Variants in SHANK1 observed in about 807,000 individuals in gnomAD.
SHANK1 encodes the protein SH3 and multiple ankyrin repeat domains 1, also known as SH3 and multiple ankyrin repeat domains protein 1.
In SHANK1, 35 loss-of-function variants were observed where a neutral mutation model predicts 165.6. The ratio of observed to expected loss-of-function variants is 0.21; its 90% CI spans 0.16 to 0.28. The LOEUF is 0.28. Ranked by LOEUF, SHANK1 falls within the 10% of genes least tolerant of loss-of-function variation. The pLI is 1.00. For missense variants in SHANK1, 2,681 were observed against 3,036.4 expected (o/e 0.88, Z 2.75); for synonymous variants, 1,428 against 1,384.8 (o/e 1.03, Z -0.69).
In SHANK1 at chr19:50,690,299, G is replaced by A. The variant is rs931331417; in HGVS notation, c.1965-1020C>T. On this transcript the variant is annotated intron_variant, in intron 15 of 23. Coordinates refer to ENST00000293441, the MANE Select transcript of SHANK1 (RefSeq NM_016148.5). This position sits in a 1 kb window ranked among gnomAD's most constrained non-coding sequence, Gnocchi z 4.9. ...ACCCAGGAAATGTCAATGAAACTCA[G>A]ATACAGTTCATGGATCTCAAGGCTC... is the stretch of plus-strand genomic sequence containing the variant. Among the ~76,000 whole-genome samples, 7 of 152,098 alleles carry A rather than the reference G, an allele frequency of 4.6e-5. No homozygotes were observed. Among genetic ancestry groups the A allele is most frequent in the Non-Finnish European group, 7.4e-5 (5 of 68,006 alleles).
At position 50,661,875 on chromosome 19, in the gene SHANK1, C is replaced by G; in HGVS notation, c.*90G>C. On this transcript the variant is annotated 3_prime_UTR_variant, in exon 24 of 24. Transcript: ENST00000293441. ...CGCAGTTTGAACAGAGTCCCTGGCC[C>G]GGGGAGAGAATGACAGTCAGGGGTC... The G allele has an allele frequency of 1.4e-6, 2 of 1,442,350 alleles. No homozygotes were observed. Among genetic ancestry groups the G allele is most frequent in the Non-Finnish European group, 1.9e-6 (2 of 1,039,664 alleles). 89.3% of individuals were successfully genotyped at this position (1,442,350 alleles called of 1,614,324 possible).
At chr19:50,692,509 G>A (rs1357541877) in intron 15 of SHANK1, among the ~76,000 whole-genome samples, 1 of 141,970 alleles carries the variant, frequency 7.0e-6, no homozygotes, top group Admixed American at 6.9e-5. Flanking sequence ...GGCAGGGAGG[G>A]GGGTCCAACC....
intron 15 of SHANK1, among the ~76,000 whole-genome samples, chr19:50,694,491 G>C (rs975319141): frequency 4.0e-5 from 6 of 148,668 alleles, no homozygotes; most frequent in South Asian, 2.2e-4. Flanking sequence ...GGAGGGCTCC[G>C]GGGAATGGGG....
At position 50,662,783 on chromosome 19, in the gene SHANK1, G is replaced by C; in HGVS notation, c.5769-101C>G. 31 of 1,241,124 alleles carry C rather than the reference G, an allele frequency of 2.5e-5. No homozygotes were observed. Among genetic ancestry groups the C allele is most frequent in the Non-Finnish European group, 3.2e-5 (28 of 881,670 alleles). The allele number at this position is 1,241,124 out of a possible 1,614,324, so 76.9% of individuals were successfully genotyped here. A position where few individuals can be genotyped will look rare whatever the true frequency, so the allele number is the denominator to read the frequency against. ...GTCAAGATATAGGGAGAGAGGAGGA[G>C]AGACATAAGGGTAGGGGGAGAGACG... is the stretch of plus-strand genomic sequence containing the variant. On this transcript the variant is annotated intron_variant, in intron 23 of 23. Transcript: ENST00000293441. This position sits in a 1 kb window ranked among gnomAD's most constrained non-coding sequence, Gnocchi z 7.7.
At position 50,667,607 on chromosome 19, in the gene SHANK1, G is replaced by A; in HGVS notation, c.4353C>T (p.Thr1451=). ...GCAGGAGGGGCCCCACCCCGGGAGC[G>A]GTGGGCGGCAGGCGGTGTAGCAGGG... ...RRSLLHRLPP[T]APGVGPLLLQ... Residue 1451 remains threonine, a synonymous_variant, in exon 23 of 24, where the codon ACC becomes ACT. Transcript: ENST00000293441. The surrounding 1 kb of genome is among the most constrained non-coding windows in gnomAD (Gnocchi z 5.7). The A allele has an allele frequency of 7.0e-7, 1 of 1,438,546 alleles. No individual in the cohort carries two copies. Among genetic ancestry groups the A allele is most frequent in the Non-Finnish European group, 9.0e-7 (1 of 1,107,808 alleles). 89.1% of individuals were successfully genotyped at this position (1,438,546 alleles called of 1,614,324 possible).
chr19:50,687,108 G>A, intron 19 of SHANK1: 1 of 1,144,320 alleles, frequency 8.7e-7, no homozygotes, highest in Non-Finnish European at 1.2e-6. Flanking sequence ...GGGGCCCCCT[G>A]TCTGGAAGCC....
chr19:50,662,519 TGGA>T lies in SHANK1; in HGVS notation c.5929_5931del (p.Ser1977del), dbSNP rs769737781. The T allele has an allele frequency of 5.1e-6, 8 of 1,557,204 alleles. No individual in the cohort carries two copies. Among genetic ancestry groups the T allele is most frequent in the Admixed American group, 3.9e-5 (2 of 51,418 alleles). On this transcript the variant is annotated inframe_deletion, in exon 24 of 24. Coordinates refer to ENST00000293441, the MANE Select transcript of SHANK1 (RefSeq NM_016148.5). This position sits in a 1 kb window ranked among gnomAD's most constrained non-coding sequence, Gnocchi z 7.7. ...ACGCCCTGGAGGTGGCGGGTGGACG[TGGA>T]GGAGGAGGAGGCTGAGGGTGAGGTG... is the stretch of plus-strand genomic sequence containing the variant.
rs375129698 is a variant in SHANK1, at chr19:50,686,201, C to T, written c.2577+36G>A. The stretch of plus-strand genomic sequence containing the variant: ...TCCAGGTTGGTGTGTGAACCGCCTC[C>T]CCCCTGGCAGTTCCTCCCCACACCA... On this transcript the variant is annotated intron_variant, in intron 21 of 23. Transcript: ENST00000293441. This position sits in a 1 kb window ranked among gnomAD's most constrained non-coding sequence, Gnocchi z 5.7. 10 of 1,286,480 alleles carry T rather than the reference C, an allele frequency of 7.8e-6. No individual in the cohort carries two copies. The highest frequency in any genetic ancestry group is 1.4e-5 in the South Asian group (1 of 73,700). 79.7% of individuals were successfully genotyped at this position (1,286,480 alleles called of 1,614,324 possible).
At position 50,668,374 on chromosome 19, in the gene SHANK1, A is replaced by AGCC. The variant is rs752183166; in HGVS notation, c.3583_3585dup (p.Gly1195dup). On this transcript the variant is annotated inframe_insertion, in exon 23 of 24. Transcript: ENST00000293441. ...ATGGCCGGGGCGGGGCTGGGCGAGG[A>AGCC]GCCGCCGCCGCCGCCGCCTCCCGTG... is the stretch of plus-strand genomic sequence containing the variant. 7.9e-6 allele frequency: 10 copies of AGCC among 1,269,040 alleles called. No homozygotes were observed. The highest frequency in any genetic ancestry group is 3.1e-5 in the East Asian group (1 of 32,100). The allele number at this position is 1,269,040 out of a possible 1,614,324, so 78.6% of individuals were successfully genotyped here.
chr19:50,694,019 C>CCACACACACACACA (rs398034977), intron 15 of SHANK1, among the ~76,000 whole-genome samples: 3 of 138,686 alleles, frequency 2.2e-5, no homozygotes, highest in East Asian at 4.5e-4. Context: ...CCAGCACACA[C>CCACACACACACACA]CACACACACA....
Position 50,679,290 on chromosome 19 carries a change from G to A in SHANK1, c.2577+6947C>T, listed in dbSNP as rs1986095687. Among the ~76,000 whole-genome samples the A allele has an allele frequency of 2.0e-5, 3 of 151,378 alleles. No homozygotes were observed. The South Asian group carries it at 6.2e-4, about 32-fold the overall frequency. On this transcript the variant is annotated intron_variant, in intron 21 of 23. Coordinates refer to ENST00000293441, the MANE Select transcript of SHANK1 (RefSeq NM_016148.5). Reference sequence around the variant, plus strand: ...TAGAGTGAGGGGGAGGGGTGTCCCCGACAGAGGAGGGTGCAGAGTGACAGA... The same window carrying A: ...TAGAGTGAGGGGGAGGGGTGTCCCCAACAGAGGAGGGTGCAGAGTGACAGA...
At chr19:50,694,892 C>T (rs1441747370) in intron 15 of SHANK1, among the ~76,000 whole-genome samples, 1 of 150,436 alleles carries the variant, frequency 6.6e-6, no homozygotes, top group Non-Finnish European at 1.5e-5. Flanking sequence ...GGAGGCGGCG[C>T]GCTCCGTTAC....
rs1217598484 is a variant in SHANK1 at position 50,686,282 on chromosome 19, G to A, written c.2532C>T (p.Leu844=). The A allele has an allele frequency of 5.0e-6, 8 of 1,606,744 alleles. No homozygotes were observed. Among genetic ancestry groups the A allele is most frequent in the Non-Finnish European group, 6.8e-6 (8 of 1,176,258 alleles). The change falls in exon 21 of 24, where the codon CTC becomes CTT. Residue 844 remains leucine, a synonymous_variant. Transcript: ENST00000293441. The surrounding 1 kb of genome is among the most constrained non-coding windows in gnomAD (Gnocchi z 5.7). The part of the protein sequence containing the change: ...SASESPGPGG[L]ASLGKHRPKG... ...TGGGTCGGTGTTTGCCCAGGGACGC[G>A]AGGCCACCGGGACCAGGGCTTTCGC...
In SHANK1 at chr19:50,688,190, G is replaced by T; in HGVS notation, c.2173-132C>A. ...CTCTGGGCTATGTTCCTCTCCCTCC[G>T]ACCCTTCATACCACCGCCTCCCTGG... On this transcript the variant is annotated intron_variant, in intron 17 of 23. Transcript: ENST00000293441. This position sits in a 1 kb window ranked among gnomAD's most constrained non-coding sequence, Gnocchi z 6.7. 1 of 1,126,646 alleles carries T rather than the reference G, an allele frequency of 8.9e-7. No individual in the cohort carries two copies. Among genetic ancestry groups the T allele is most frequent in the African/African-American group, 1.5e-5 (1 of 64,932 alleles). 69.8% of individuals were successfully genotyped at this position (1,126,646 alleles called of 1,614,324 possible).
chr19:50,683,722 G>A (rs957589790), intron 21 of SHANK1, among the ~76,000 whole-genome samples: 7 of 152,144 alleles, frequency 4.6e-5, no homozygotes, highest in Admixed American at 2.0e-4. Context: ...GTTCAGCCTC[G>A]TCTGGGAACC....
Position 50,704,512 on chromosome 19 carries a change from C to G in SHANK1, c.1080G>C (p.Glu360Asp). The change falls in exon 9 of 24, where the codon GAG becomes GAC. Residue 360 changes from glutamate (E) to aspartate (D), a missense_variant and splice_region_variant. By Grantham distance (45) the Glu-to-Asp change is conservative. Transcript: ENST00000293441. ...GATACAGGAGGATCCTGGCACAGGTCTCCTGCGGGTAATGGCCAGTGGCAC... is the reference window on the plus strand; with the variant it reads ...GATACAGGAGGATCCTGGCACAGGTGTCCTGCGGGTAATGGCCAGTGGCAC... ...ALHICALYNK[E>D]TCARILLYRG... 1.2e-6 allele frequency: 2 copies of G among 1,614,008 alleles called. No individual in the cohort carries two copies. Among genetic ancestry groups the G allele is most frequent in the Non-Finnish European group, 1.7e-6 (2 of 1,179,928 alleles).
chr19:50,678,323 G>A (rs1288013658), intron 21 of SHANK1, among the ~76,000 whole-genome samples: 4 of 152,048 alleles, frequency 2.6e-5, no homozygotes, highest in African/African-American at 9.7e-5. Flanking sequence ...TGAGGGGCAG[G>A]GCTGGAGAGG....
At chr19:50,689,374 C>G in intron 15 of SHANK1, 95 bp from the exon 16 acceptor site, 1 of 874,666 alleles carries the variant, frequency 1.1e-6, no homozygotes, top group East Asian at 2.4e-5. Flanking sequence ...AACCCAGACC[C>G]AAACCTCTGC....
In SHANK1 at chr19:50,715,838, G is replaced by A; in HGVS notation, c.460-108C>T. 4 of 1,087,662 alleles carry A rather than the reference G, an allele frequency of 3.7e-6. No individual in the cohort carries two copies. The South Asian group carries it at 5.1e-5, about 14-fold the overall frequency. The allele number at this position is 1,087,662 out of a possible 1,614,324, so 67.4% of individuals were successfully genotyped here. ...TCTGATCCCCTTCTAATTCCCCGGGGTAGCTCAGGGTGGGAGTGAAAACAG... is the reference window on the plus strand; with the variant it reads ...TCTGATCCCCTTCTAATTCCCCGGGATAGCTCAGGGTGGGAGTGAAAACAG... On this transcript the variant is annotated intron_variant, in intron 3 of 23. Coordinates refer to ENST00000293441, the MANE Select transcript of SHANK1 (RefSeq NM_016148.5).
Sources: gnomAD v4.1 joint callset for allele counts (sites outside exome capture counted in the v4.1 genomes callset) on GRCh38, gnomAD v4.1.1 for gene constraint, Gnocchi (gnomAD v3.1) non-coding constraint, MANE v1.5 for transcripts, NCBI Gene and HGNC (gene_info 2026-07-23, HGNC 2026-07-21) for gene names.